JMJD1C: variants seen among roughly 807,000 people sequenced by gnomAD.
JMJD1C encodes jumonji domain-containing protein 1C.
A neutral mutation model predicts 245.3 loss-of-function variants in JMJD1C; 31 were observed. That is an observed-to-expected ratio of 0.13 (90% CI 0.09 to 0.17). JMJD1C has a LOEUF of 0.17. Among genes scored for constraint, JMJD1C ranks in the 10% least tolerant of loss-of-function variants. The pLI, the probability that JMJD1C is intolerant of heterozygous loss-of-function variation, is 1.00. For synonymous variants in JMJD1C, 1,057 were observed against 1,017.4 expected, an observed-to-expected ratio of 1.04 and a Z score of -0.74; for missense variants, 2,691 against 3,000.2, an observed-to-expected ratio of 0.90 and a Z score of 2.41.
chr10:63,313,688 G>C (rs1939544688), intron 2 of JMJD1C, among the ~76,000 whole-genome samples: 1 of 152,234 alleles, frequency 6.6e-6, no homozygotes, highest in East Asian at 1.9e-4. Flanking sequence ...CTGATCATTA[G>C]TGATGTTGAG....
chr10:63,441,720 G>T (rs1017850015), intron 1 of JMJD1C, among the ~76,000 whole-genome samples: 1 of 151,944 alleles, frequency 6.6e-6, no homozygotes, highest in Admixed American at 6.6e-5. Context: ...ACATATGGTG[G>T]GAGTGAAAAA....
At chr10:63,411,422 C>T (rs1949469808) in intron 1 of JMJD1C, among the ~76,000 whole-genome samples, 1 of 151,480 alleles carries the variant, frequency 6.6e-6, no homozygotes, top group African/African-American at 2.4e-5. Context: ...CCTCAGCCTC[C>T]TGAATAGCTG....
At chr10:63,302,087 G>A (rs973799670) in intron 2 of JMJD1C, among the ~76,000 whole-genome samples, 1 of 152,138 alleles carries the variant, frequency 6.6e-6, no homozygotes, top group Non-Finnish European at 1.5e-5. Context: ...TGGGATCACG[G>A]CTAACTGCAG....
At chr10:63,332,264 G>A (rs1043676291) in intron 2 of JMJD1C, among the ~76,000 whole-genome samples, 1 of 152,206 alleles carries the variant, frequency 6.6e-6, no homozygotes, top group Non-Finnish European at 1.5e-5. Flanking sequence ...GGTTCAGCTG[G>A]ATAAGCCACC....
Position 63,208,816 on chromosome 10 carries a change from C to T in JMJD1C, c.2868-15G>A, listed in dbSNP as rs750648019. ...TTTCTAATTCTCTGTAAAGAAAATA[C>T]ACAAATATTTCTGTAACCACTTTTT... On this transcript the variant is annotated splice_polypyrimidine_tract_variant and intron_variant, in intron 9 of 25. Coordinates refer to ENST00000399262, the MANE Select transcript of JMJD1C (RefSeq NM_032776.3). 6.5e-7 allele frequency: 1 copy of T among 1,546,520 alleles called. No individual in the cohort carries two copies. The highest frequency in any genetic ancestry group is 2.3e-5 in the East Asian group (1 of 44,310).
In JMJD1C at chr10:63,207,825, GGTT is replaced by G; in HGVS notation, c.3841_3843del (p.Asn1281del). On this transcript the variant is annotated inframe_deletion, in exon 10 of 26. Transcript: ENST00000399262. ...TGCCATTCAGTTTTCTCTTTGCTGA[GGTT>G]ATTATTAGGTCTCCACATCTCCGTC... 6.2e-7 allele frequency: 1 copy of G among 1,614,098 alleles called. No individual in the cohort carries two copies. The highest frequency in any genetic ancestry group is 8.5e-7 in the Non-Finnish European group (1 of 1,180,008).
intron 11 of JMJD1C, among the ~76,000 whole-genome samples, chr10:63,199,777 G>T (rs1367811736): frequency 6.6e-6 from 1 of 152,134 alleles, no homozygotes. Flanking sequence ...ATTTTTGGAG[G>T]TCTATACTGG....
chr10:63,422,695 G>A (rs548788990), intron 1 of JMJD1C, among the ~76,000 whole-genome samples: 1 of 152,244 alleles, frequency 6.6e-6, no homozygotes, highest in African/African-American at 2.4e-5. Context: ...TATGCTTCCT[G>A]AATTTGATTA....
intron 1 of JMJD1C, among the ~76,000 whole-genome samples, chr10:63,381,520 A>G (rs1424434339): frequency 6.6e-6 from 1 of 152,180 alleles, no homozygotes; most frequent in African/African-American, 2.4e-5. Flanking sequence ...TGACAGAATG[A>G]GACTCTGTCT....
At chr10:63,476,377 G>A (rs1953662119) in intron 1 of JMJD1C, among the ~76,000 whole-genome samples, 1 of 151,910 alleles carries the variant, frequency 6.6e-6, no homozygotes, top group African/African-American at 2.4e-5. Context: ...CAGAACAAGA[G>A]TCATGACAAA....
chr10:63,423,712 T>C (rs1206537401), intron 1 of JMJD1C, among the ~76,000 whole-genome samples: 7 of 152,242 alleles, frequency 4.6e-5, no homozygotes, highest in African/African-American at 9.6e-5. Context: ...TTTCGAGGAA[T>C]TGCCAAGCTG....
intron 2 of JMJD1C, among the ~76,000 whole-genome samples, chr10:63,325,272 G>A (rs570380911): frequency 2.2e-4 from 33 of 152,234 alleles, no homozygotes; most frequent in African/African-American, 7.0e-4. Context: ...CACAAATGAC[G>A]TAAAACAGGG....
intron 1 of JMJD1C, chr10:63,465,082 C>T: frequency 4.8e-6 from 1 of 207,592 alleles, no homozygotes. Context: ...GAAGACTTTT[C>T]CAAGAAAAGA....
chr10:63,504,519 A>G (rs1392025008), intron 1 of JMJD1C, among the ~76,000 whole-genome samples: 3 of 152,196 alleles, frequency 2.0e-5, no homozygotes, highest in Non-Finnish European at 4.4e-5. Flanking sequence ...GTTTACAGAA[A>G]CAGAAGAAAG....
intron 3 of JMJD1C, among the ~76,000 whole-genome samples, chr10:63,262,035 AG>A (rs1388877426): frequency 6.6e-6 from 1 of 152,254 alleles, no homozygotes; most frequent in Non-Finnish European, 1.5e-5. Context: ...ATCCATATTA[AG>A]AAACTGCCTC....
At position 63,298,222 on chromosome 10, in the gene JMJD1C, G is replaced by A. The variant is rs138303067; in HGVS notation, c.334-33458C>T. Reference sequence around the variant, plus strand: ...GATAGGCGTGAGATCCAGGCCAGTAGTGTGAGCCGAGTTCAGCCTGCCAGG... The same window carrying A: ...GATAGGCGTGAGATCCAGGCCAGTAATGTGAGCCGAGTTCAGCCTGCCAGG... On this transcript the variant is annotated intron_variant, in intron 2 of 25. Transcript: ENST00000399262. Among the ~76,000 whole-genome samples, 600 of 152,306 alleles carry A rather than the reference G, an allele frequency of 3.9e-3. 1 individual carries two copies. Among genetic ancestry groups the A allele is most frequent in the African/African-American group, 0.011 (453 of 41,574 alleles).
At chr10:63,475,042 G>A (rs1479067434) in intron 1 of JMJD1C, among the ~76,000 whole-genome samples, 1 of 152,154 alleles carries the variant, frequency 6.6e-6, no homozygotes, top group Non-Finnish European at 1.5e-5. Flanking sequence ...ATCATATAGT[G>A]ATGGTTAAGC....
chr10:63,355,761 T>C (rs553051453), intron 2 of JMJD1C, among the ~76,000 whole-genome samples: 1 of 151,060 alleles, frequency 6.6e-6, no homozygotes, highest in East Asian at 1.9e-4. Context: ...AAAAAGGTAA[T>C]GTGTGCTCAT....
chr10:63,415,222 G>A (rs986842742), intron 1 of JMJD1C, among the ~76,000 whole-genome samples: 2 of 151,850 alleles, frequency 1.3e-5, no homozygotes, highest in African/African-American at 4.8e-5. Context: ...CAGGTACTAC[G>A]TATCAGATAT....
Sources: gnomAD v4.1 joint callset for allele counts (sites outside exome capture counted in the v4.1 genomes callset) on GRCh38, gnomAD v4.1.1 for gene constraint, MANE v1.5 for transcripts, NCBI Gene and HGNC (gene_info 2026-07-23, HGNC 2026-07-21) for gene names.